The following EPHB1 variants were observed in gnomAD, a reference collection of about 807,000 sequenced individuals.
EPHB1 encodes EPH receptor B1.
EPHB1 carries 30 observed loss-of-function variants against 94.4 expected under a neutral mutation model. The ratio of observed to expected loss-of-function variants is 0.32; its 90% CI spans 0.24 to 0.43. The LOEUF is 0.43. EPHB1 is among the 20% of genes least tolerant of loss of function. The pLI is 1.00. For missense variants in EPHB1, 1,055 were observed against 1,308.3 expected, an observed-to-expected ratio of 0.81 and a Z score of 2.99; for synonymous variants, 522 against 489.1, an observed-to-expected ratio of 1.07 and a Z score of -0.89.
At chr3:135,013,468 T>G (rs1935688895) in intron 3 of EPHB1, among the ~76,000 whole-genome samples, 1 of 152,216 alleles carries the variant, frequency 6.6e-6, no homozygotes, top group Admixed American at 6.5e-5. Context: ...GGAATCCGTA[T>G]GTCGGAAGAC....
intron 12 of EPHB1, among the ~76,000 whole-genome samples, chr3:135,234,139 A>G (rs1415447124): frequency 6.6e-6 from 1 of 152,098 alleles, no homozygotes; most frequent in African/African-American, 2.4e-5. Flanking sequence ...TCAGGCTGCA[A>G]ATTTTCCAAA....
chr3:135,244,224 C>T (rs959182478), intron 13 of EPHB1, among the ~76,000 whole-genome samples: 4 of 152,202 alleles, frequency 2.6e-5, no homozygotes, highest in African/African-American at 9.6e-5. Flanking sequence ...CCCCTCACCA[C>T]ACCTCCTCCC....
At chr3:135,185,663 G>A (rs986867933) in intron 10 of EPHB1, among the ~76,000 whole-genome samples, 1 of 152,222 alleles carries the variant, frequency 6.6e-6, no homozygotes, top group Non-Finnish European at 1.5e-5. Context: ...AACCCAGCTA[G>A]AGCTGATCCA....
chr3:135,088,474 C>A (rs975214518), intron 3 of EPHB1, among the ~76,000 whole-genome samples: 10 of 152,162 alleles, frequency 6.6e-5, no homozygotes, highest in Non-Finnish European at 1.2e-4. Flanking sequence ...TTTAAAAATA[C>A]AGGGTTTTTT....
chr3:135,012,002 A>G (rs1478946488), intron 3 of EPHB1, among the ~76,000 whole-genome samples: 1 of 152,152 alleles, frequency 6.6e-6, no homozygotes, highest in African/African-American at 2.4e-5. Flanking sequence ...CTTGATTTTC[A>G]TATTCTTTCC....
At chr3:134,992,568 G>A (rs934666910) in intron 3 of EPHB1, among the ~76,000 whole-genome samples, 1 of 152,206 alleles carries the variant, frequency 6.6e-6, no homozygotes, top group Non-Finnish European at 1.5e-5. Context: ...CAAGTACAAG[G>A]TGATCCCTGC....
chr3:134,819,110 A>C (rs1212110716), intron 1 of EPHB1, among the ~76,000 whole-genome samples: 2 of 152,212 alleles, frequency 1.3e-5, no homozygotes, highest in African/African-American at 4.8e-5. Flanking sequence ...ATGAGTTATA[A>C]GACAAGATAA....
At chr3:135,194,559 A>G (rs771016122) in intron 11 of EPHB1, among the ~76,000 whole-genome samples, 3 of 152,206 alleles carry the variant, frequency 2.0e-5, no homozygotes, top group Admixed American at 6.5e-5. Context: ...CAGCTGCTGC[A>G]TGGTAGCTCC....
intron 10 of EPHB1, among the ~76,000 whole-genome samples, chr3:135,183,015 C>A (rs990411666): frequency 2.2e-4 from 14 of 64,426 alleles, no homozygotes; most frequent in Non-Finnish European, 4.7e-4. Flanking sequence ...CTTTTCTTTT[C>A]TTTTCTTTTC....
intron 5 of EPHB1, among the ~76,000 whole-genome samples, chr3:135,146,529 A>C (rs945038293): frequency 6.6e-6 from 1 of 152,178 alleles, no homozygotes; most frequent in Non-Finnish European, 1.5e-5. Flanking sequence ...CACTGTCCAG[A>C]GTCACTCGGT....
intron 3 of EPHB1, among the ~76,000 whole-genome samples, chr3:134,963,306 C>A (rs1359246094): frequency 6.6e-6 from 1 of 151,864 alleles, no homozygotes; most frequent in Non-Finnish European, 1.5e-5. Context: ...ATAAGTATGG[C>A]AAAAAGGAAT....
intron 12 of EPHB1, among the ~76,000 whole-genome samples, chr3:135,203,274 A>T (rs577188582): frequency 6.6e-6 from 1 of 152,296 alleles, no homozygotes; most frequent in South Asian, 2.1e-4. Flanking sequence ...GAGGGAGAGC[A>T]TTAGGACAAA....
intron 10 of EPHB1, among the ~76,000 whole-genome samples, chr3:135,186,834 G>A (rs985359288): frequency 6.6e-6 from 1 of 152,228 alleles, no homozygotes; most frequent in Non-Finnish European, 1.5e-5. Context: ...AATAATTTCA[G>A]CAGCTATCTG....
intron 12 of EPHB1, among the ~76,000 whole-genome samples, chr3:135,224,675 T>C (rs1943352369): frequency 6.6e-6 from 1 of 152,232 alleles, no homozygotes; most frequent in Non-Finnish European, 1.5e-5. Context: ...TGATGAGTCT[T>C]ATCTGAACTA....
chr3:135,091,291 G>A (rs1938542637), intron 3 of EPHB1, among the ~76,000 whole-genome samples: 1 of 152,180 alleles, frequency 6.6e-6, no homozygotes, highest in African/African-American at 2.4e-5. Flanking sequence ...TGGGCAGGTG[G>A]AGCAGACATT....
At position 135,237,520 on chromosome 3, in the gene EPHB1, C is replaced by G. The variant is rs769299582; in HGVS notation, c.2347-3628C>G. Among the ~76,000 whole-genome samples the G allele has an allele frequency of 4.6e-5, 7 of 152,020 alleles. No homozygotes were observed. In the South Asian group the frequency reaches 8.3e-4, roughly 18 times the overall value. ...TCCTCTTCTTCTCTTCTCCCTCCCC[C>G]ATGCTCCAACAGTGACCCCTGCGGC... is the stretch of plus-strand genomic sequence containing the variant. On this transcript the variant is annotated intron_variant, in intron 12 of 15. Transcript: ENST00000398015.
chr3:135,056,688 C>T (rs887788389), intron 3 of EPHB1, among the ~76,000 whole-genome samples: 12 of 152,264 alleles, frequency 7.9e-5, no homozygotes, highest in Non-Finnish European at 1.5e-4. Context: ...CATTAGATTT[C>T]CAATAGATTT....
At chr3:134,990,109 T>C (rs180802548) in intron 3 of EPHB1, among the ~76,000 whole-genome samples, 1 of 152,340 alleles carries the variant, frequency 6.6e-6, no homozygotes, top group East Asian at 1.9e-4. Context: ...TCTTAGTTGA[T>C]TGAATTTTGT....
At chr3:135,207,011 C>T (rs559788506) in intron 12 of EPHB1, among the ~76,000 whole-genome samples, 1 of 152,236 alleles carries the variant, frequency 6.6e-6, no homozygotes, top group African/African-American at 2.4e-5. Flanking sequence ...TACATGTATA[C>T]TCACATGTGG....
Sources: gnomAD v4.1 joint callset for allele counts (sites outside exome capture counted in the v4.1 genomes callset) on GRCh38, gnomAD v4.1.1 for gene constraint, MANE v1.5 for transcripts, NCBI Gene and HGNC (gene_info 2026-07-23, HGNC 2026-07-21) for gene names.